Variants in MDFIC observed in about 807,000 individuals in gnomAD.
MDFIC encodes myoD family inhibitor domain-containing protein.
In MDFIC, 17 loss-of-function variants were observed where a neutral mutation model predicts 23.2. The observed-to-expected ratio is 0.73, with a 90% CI of 0.50 to 1.10. The LOEUF (loss-of-function observed/expected upper bound fraction) is 1.10, where lower values mean the gene tolerates loss of function less well. Ranked by LOEUF, MDFIC falls within the 50% of genes least tolerant of loss-of-function variation. The pLI is 0.00. For synonymous variants in MDFIC, 120 were observed against 115.2 expected (o/e 1.04, Z -0.27); for missense variants, 356 against 316.6 (o/e 1.12, Z -0.95).
chr7:114,993,778 C>A (rs1346734716), intron 4 of MDFIC, among the ~76,000 whole-genome samples: 1 of 152,148 alleles, frequency 6.6e-6, no homozygotes, highest in Non-Finnish European at 1.5e-5. Flanking sequence ...ACTATGTGGT[C>A]AGTTTTGGAA....
chr7:114,939,449 G>C (rs1286964226), intron 2 of MDFIC, among the ~76,000 whole-genome samples: 1 of 152,172 alleles, frequency 6.6e-6, no homozygotes, highest in Non-Finnish European at 1.5e-5. Context: ...TACAGAGAAT[G>C]ATAGTCTTTT....
Position 115,016,188 on chromosome 7 carries a change from C to T in MDFIC, c.*253C>T, listed in dbSNP as rs1791791552. The T allele has an allele frequency of 4.9e-6, 2 of 405,298 alleles. No individual in the cohort carries two copies. Among genetic ancestry groups the T allele is most frequent in the East Asian group, 4.7e-5 (1 of 21,154 alleles). 25.1% of individuals were successfully genotyped at this position (405,298 alleles called of 1,614,324 possible). A position where few individuals can be genotyped will look rare whatever the true frequency, so the allele number is the denominator to read the frequency against. On this transcript the variant is annotated 3_prime_UTR_variant, in exon 5 of 5. Coordinates refer to ENST00000393486, the MANE Select transcript of MDFIC (RefSeq NM_001166345.3). The stretch of plus-strand genomic sequence containing the variant: ...ATAACTTAGGGACATTTTGACACCC[C>T]CCTTCCCAAATGTTAAATGCCTTCT...
At chr7:115,005,774 T>C (rs1287505222) in intron 4 of MDFIC, among the ~76,000 whole-genome samples, 2 of 152,194 alleles carry the variant, frequency 1.3e-5, no homozygotes, top group Non-Finnish European at 2.9e-5. Context: ...TTCAATGTCA[T>C]GCTGTCCTGT....
chr7:114,966,596 C>T (rs1793101578), intron 3 of MDFIC, among the ~76,000 whole-genome samples: 1 of 152,124 alleles, frequency 6.6e-6, no homozygotes, highest in Non-Finnish European at 1.5e-5. Context: ...GACTACAGCT[C>T]CCACCAACAA....
chr7:115,004,520 T>C (rs997329461), intron 4 of MDFIC, among the ~76,000 whole-genome samples: 1 of 152,264 alleles, frequency 6.6e-6, no homozygotes, highest in Non-Finnish European at 1.5e-5. Flanking sequence ...ACGATGTGTT[T>C]GTCCAAATCA....
At chr7:114,977,969 T>G (rs753379199) in intron 3 of MDFIC, among the ~76,000 whole-genome samples, 74 of 147,988 alleles carry the variant, frequency 5.0e-4, no homozygotes, top group Non-Finnish European at 9.2e-4. Flanking sequence ...AACATAATTA[T>G]ATTAGATTAT....
intron 2 of MDFIC, among the ~76,000 whole-genome samples, chr7:114,929,083 A>AGATC (rs1792255514): frequency 2.0e-4 from 1 of 5,014 alleles, no homozygotes; most frequent in Non-Finnish European, 7.1e-4. Context: ...AGATAAATAT[A>AGATC]GATCTATCTA....
At chr7:114,972,155 G>A (rs1017701875) in intron 3 of MDFIC, among the ~76,000 whole-genome samples, 23 of 152,064 alleles carry the variant, frequency 1.5e-4, no homozygotes, top group Non-Finnish European at 3.2e-4. Flanking sequence ...AGGGTAAGGG[G>A]TGAAGTAACT....
In MDFIC at chr7:114,939,699, A is replaced by G. The variant is rs192446325; in HGVS notation, c.95-2576A>G. On this transcript the variant is annotated intron_variant, in intron 2 of 4. Coordinates refer to ENST00000393486, the MANE Select transcript of MDFIC (RefSeq NM_001166345.3). ...TGTGTTTAGCACTCGAATATTGGAC[A>G]TGATTCAAATATGAGTCAAGTGTGT... Among the ~76,000 whole-genome samples, 539 of 152,326 alleles carry G rather than the reference A, an allele frequency of 3.5e-3. 2 individuals carry two copies. Among genetic ancestry groups the G allele is most frequent in the Non-Finnish European group, 4.9e-3 (336 of 68,020 alleles).
In MDFIC at chr7:115,016,594, C is replaced by G. The variant is rs939810879; in HGVS notation, c.*659C>G. ...GTTGCAGTGAGCCGAGATTGTGCCA[C>G]TGAACTCCAACCTGCACTCCAGCCT... On this transcript the variant is annotated 3_prime_UTR_variant, in exon 5 of 5. Transcript: ENST00000393486. 1.9e-5 allele frequency: 3 copies of G among 154,872 alleles called. No individual in the cohort carries two copies. The Admixed American group carries it at 2.0e-4, about 10-fold the overall frequency. 9.6% of individuals were successfully genotyped at this position (154,872 alleles called of 1,614,324 possible).
intron 4 of MDFIC, among the ~76,000 whole-genome samples, chr7:115,007,867 T>A (rs1791604091): frequency 6.8e-6 from 1 of 147,456 alleles, no homozygotes; most frequent in Admixed American, 6.8e-5. Context: ...AGCTAATTTT[T>A]TTTTTTTTTT....
Position 115,018,975 on chromosome 7 carries a change from T to A in MDFIC, c.*3040T>A, listed in dbSNP as rs1182043743. ...TGACATGTGATTTCAAAACACAGTGTTCTTTTAAAAATCTATAATATGTCA... is the reference window on the plus strand; with the variant it reads ...TGACATGTGATTTCAAAACACAGTGATCTTTTAAAAATCTATAATATGTCA... On this transcript the variant is annotated 3_prime_UTR_variant, in exon 5 of 5. Coordinates refer to ENST00000393486, the MANE Select transcript of MDFIC (RefSeq NM_001166345.3). 1 of 151,870 alleles carries A rather than the reference T, an allele frequency of 6.6e-6. No individual in the cohort carries two copies. Among genetic ancestry groups the A allele is most frequent in the Non-Finnish European group, 1.5e-5 (1 of 67,872 alleles). 9.4% of individuals were successfully genotyped at this position (151,870 alleles called of 1,614,324 possible). A position where few individuals can be genotyped will look rare whatever the true frequency, so the allele number is the denominator to read the frequency against.
Position 114,979,491 on chromosome 7 carries a change from C to T in MDFIC, c.218-15C>T. 2 of 1,558,182 alleles carry T rather than the reference C, an allele frequency of 1.3e-6. No homozygotes were observed. Among genetic ancestry groups the T allele is most frequent in the South Asian group, 1.2e-5 (1 of 81,456 alleles). ...TTTTCTTTAACTGGCTGACTTTTTCCTGTTTTTAATTTAGCCCAACCTCAG... is the reference window on the plus strand; with the variant it reads ...TTTTCTTTAACTGGCTGACTTTTTCTTGTTTTTAATTTAGCCCAACCTCAG... On this transcript the variant is annotated splice_polypyrimidine_tract_variant and intron_variant, in intron 3 of 4. Coordinates refer to ENST00000393486, the MANE Select transcript of MDFIC (RefSeq NM_001166345.3).
intron 4 of MDFIC, among the ~76,000 whole-genome samples, chr7:114,993,223 C>G (rs1462177554): frequency 6.6e-6 from 1 of 152,024 alleles, no homozygotes; most frequent in Admixed American, 6.6e-5. Context: ...TTTATTGTGT[C>G]TATTTGATTC....
At position 115,017,588 on chromosome 7, in the gene MDFIC, CA is replaced by C. The variant is rs1423784212; in HGVS notation, c.*1654del. On this transcript the variant is annotated 3_prime_UTR_variant, in exon 5 of 5. Coordinates refer to ENST00000393486, the MANE Select transcript of MDFIC (RefSeq NM_001166345.3). ...TTTATGTTAAATTAAACTAATATGG[CA>C]GGTTATAATGATCCTTAAGTGTAAA... is the stretch of plus-strand genomic sequence containing the variant. 2 of 152,062 alleles carry C rather than the reference CA, an allele frequency of 1.3e-5. No homozygotes were observed. The highest frequency in any genetic ancestry group is 2.9e-5 in the Non-Finnish European group (2 of 67,860). The allele number at this position is 152,062 out of a possible 1,614,324, so 9.4% of individuals were successfully genotyped here.
chr7:114,955,786 C>T (rs1283561075), intron 3 of MDFIC, among the ~76,000 whole-genome samples: 3 of 152,170 alleles, frequency 2.0e-5, no homozygotes, highest in Non-Finnish European at 4.4e-5. Context: ...GTCCGCAGTT[C>T]ATGCATATTA....
At chr7:114,984,073 G>A (rs776329518) in intron 4 of MDFIC, among the ~76,000 whole-genome samples, 2 of 152,052 alleles carry the variant, frequency 1.3e-5, no homozygotes, top group Non-Finnish European at 2.9e-5. Flanking sequence ...CACAATCCAT[G>A]TTCCTAACCT....
chr7:114,994,315 C>T (rs369845553), intron 4 of MDFIC, among the ~76,000 whole-genome samples: 9 of 151,806 alleles, frequency 5.9e-5, no homozygotes, highest in South Asian at 2.1e-4. Flanking sequence ...TTTGCCAGTC[C>T]GTGTCTTTTA....
chr7:115,013,929 G>T, intron 4 of MDFIC: 3 of 918,598 alleles, frequency 3.3e-6, no homozygotes, highest in Non-Finnish European at 3.9e-6. Flanking sequence ...AGGGGAAGAC[G>T]GAGAGACCTG....
Sources: gnomAD v4.1 joint callset for allele counts (sites outside exome capture counted in the v4.1 genomes callset) on GRCh38, gnomAD v4.1.1 for gene constraint, MANE v1.5 for transcripts, NCBI Gene and HGNC (gene_info 2026-07-23, HGNC 2026-07-21) for gene names.